The following MGA variants were observed in gnomAD, a reference collection of about 807,000 sequenced individuals.
The protein encoded by MGA is MAX gene-associated protein.
Under a neutral mutation model 261.1 loss-of-function variants are expected in MGA, and 40 were observed. That is an observed-to-expected ratio of 0.15 (90% CI 0.12 to 0.20). MGA has a LOEUF of 0.20. MGA is among the 10% of genes least tolerant of loss of function. The pLI is 1.00. For missense variants in MGA, 3,397 were observed against 3,630.5 expected, an observed-to-expected ratio of 0.94 and a Z score of 1.65; for synonymous variants, 1,302 against 1,290.6, an observed-to-expected ratio of 1.01 and a Z score of -0.19.
intron 9 of MGA, among the ~76,000 whole-genome samples, chr15:41,719,268 A>G (rs568823800): frequency 6.6e-6 from 1 of 152,172 alleles, no homozygotes; most frequent in South Asian, 2.1e-4. Flanking sequence ...ATGGAAAAAT[A>G]TATTGTTTTC....
chr15:41,637,675 T>A (rs1274037957), intron 1 of MGA, among the ~76,000 whole-genome samples: 1 of 152,170 alleles, frequency 6.6e-6, no homozygotes, highest in Non-Finnish European at 1.5e-5. Flanking sequence ...CAGTTTAAAA[T>A]TGAATGGCTT....
At chr15:41,645,195 G>GA (rs1014868825) in intron 1 of MGA, among the ~76,000 whole-genome samples, 5 of 152,170 alleles carry the variant, frequency 3.3e-5, no homozygotes, top group African/African-American at 1.2e-4. Flanking sequence ...TTTAATCTTA[G>GA]AAAATGTCAT....
intron 14 of MGA, among the ~76,000 whole-genome samples, chr15:41,741,782 T>C: frequency 6.6e-6 from 1 of 152,064 alleles, no homozygotes; most frequent in East Asian, 1.9e-4. Context: ...CACTATCTCA[T>C]TTCACTGCAG....
At chr15:41,709,530 G>A (rs1451601438) in intron 7 of MGA, among the ~76,000 whole-genome samples, 1 of 151,544 alleles carries the variant, frequency 6.6e-6, no homozygotes, top group Non-Finnish European at 1.5e-5. Flanking sequence ...CTGCAGCCTT[G>A]ACCTCCTGGG....
intron 1 of MGA, among the ~76,000 whole-genome samples, chr15:41,623,681 C>G (rs928524679): frequency 1.3e-5 from 2 of 150,108 alleles, no homozygotes; most frequent in African/African-American, 2.5e-5. Context: ...GAGTGGAGAT[C>G]GCGCCATTGC....
chr15:41,713,391 G>C lies in MGA; in HGVS notation c.3325G>C (p.Val1109Leu). 1 of 1,606,776 alleles carries C rather than the reference G, an allele frequency of 6.2e-7. No homozygotes were observed. Among genetic ancestry groups the C allele is most frequent in the Non-Finnish European group, 8.5e-7 (1 of 1,176,392 alleles). ...GAGGAAGGCTGCTCATCGAGATCCA[G>C]TATTTTATGATACTCTGGGAGAGGA... The change falls in exon 9 of 24, where the codon GTA becomes CTA. Residue 1109 changes from valine (V) to leucine (L), a missense_variant. Physicochemically the swap from Val to Leu is conservative, Grantham distance 32 (BLOSUM62 1). Coordinates refer to ENST00000219905, the MANE Select transcript of MGA (RefSeq NM_001164273.2).
At chr15:41,731,590 T>G (rs1407385631) in intron 11 of MGA, among the ~76,000 whole-genome samples, 1 of 152,182 alleles carries the variant, frequency 6.6e-6, no homozygotes, top group Non-Finnish European at 1.5e-5. Flanking sequence ...TTTAGGGACT[T>G]TTAGGGACTC....
At chr15:41,734,403 A>T in intron 11 of MGA, 119 bp from the exon 12 acceptor site, 1 of 788,074 alleles carries the variant, frequency 1.3e-6, no homozygotes, top group Non-Finnish European at 2.1e-6. Context: ...GAAGCTGTTG[A>T]CATTTCAGTC....
At chr15:41,760,658 G>GACTTC (rs1217141912) in intron 20 of MGA, 129 bp downstream of exon 20, 110 of 847,798 alleles carry the variant, frequency 1.3e-4, no homozygotes, top group Non-Finnish European at 9.3e-5. Flanking sequence ...GATGAATATG[G>GACTTC]ACTAGTGAAT....
chr15:41,679,714 G>C (rs1595689299), intron 2 of MGA, among the ~76,000 whole-genome samples: 2 of 152,100 alleles, frequency 1.3e-5, no homozygotes, highest in South Asian at 2.1e-4. Flanking sequence ...TTGTGTGTGT[G>C]TGTTGTGTTG....
chr15:41,699,304 G>A (rs576950721), intron 5 of MGA, 145 bp downstream of exon 5: 6 of 589,286 alleles, frequency 1.0e-5, no homozygotes, highest in Middle Eastern at 4.5e-4. Context: ...CTTTCAGCAC[G>A]TCTTTCAGTT....
chr15:41,694,827 G>A (rs1272806198), intron 2 of MGA, among the ~76,000 whole-genome samples: 1 of 152,086 alleles, frequency 6.6e-6, no homozygotes, highest in African/African-American at 2.4e-5. Flanking sequence ...GTTTAATTCA[G>A]TGGTGCAATT....
At position 41,765,081 on chromosome 15, in the gene MGA, C is replaced by T. The variant is rs554159132; in HGVS notation, c.7921+19C>T. 1.4e-5 allele frequency: 22 copies of T among 1,612,666 alleles called. No homozygotes were observed. The East Asian group carries it at 4.7e-4, about 34-fold the overall frequency. The stretch of plus-strand genomic sequence containing the variant: ...CTACCAGGTATGTTGTAAGTGTTGT[C>T]CTCTATGGGAAGTGATAAAGTTATC... On this transcript the variant is annotated intron_variant, in intron 23 of 23. Coordinates refer to ENST00000219905, the MANE Select transcript of MGA (RefSeq NM_001164273.2).
intron 5 of MGA, among the ~76,000 whole-genome samples, chr15:41,702,937 ATT>A (rs60668348): frequency 6.1e-4 from 92 of 151,930 alleles, no homozygotes; most frequent in African/African-American, 1.7e-3. Flanking sequence ...GAGAATACCT[ATT>A]TTTTTTCCCC....
intron 15 of MGA, among the ~76,000 whole-genome samples, chr15:41,743,960 T>C (rs563766452): frequency 6.6e-6 from 1 of 152,304 alleles, no homozygotes; most frequent in Non-Finnish European, 1.5e-5. Context: ...GTTCTTTTAA[T>C]CTACTCATAG....
At chr15:41,710,006 T>C (rs1595819048) in intron 7 of MGA, among the ~76,000 whole-genome samples, 1 of 152,166 alleles carries the variant, frequency 6.6e-6, no homozygotes, top group East Asian at 1.9e-4. Context: ...TTTGTATTTT[T>C]AGTAGAGACG....
intron 2 of MGA, among the ~76,000 whole-genome samples, chr15:41,670,619 C>T (rs2150961718): frequency 6.6e-6 from 1 of 152,298 alleles, no homozygotes; most frequent in East Asian, 1.9e-4. Context: ...CATTCTCCTG[C>T]CTCAGCCTCC....
chr15:41,760,268 G>GT, intron 19 of MGA, 55 bp from the exon 20 acceptor site: 1 of 1,558,338 alleles, frequency 6.4e-7, no homozygotes, highest in Non-Finnish European at 8.8e-7. Context: ...TTGAAACAGA[G>GT]TAAGAGGGCC....
chr15:41,729,251 G>A lies in MGA; in HGVS notation c.3745G>A (p.Glu1249Lys). ...AGTTCGAGTATATGAGCGAAAAAAA[G>A]AGGACCAGAGACAACCATCTTCCTC... Residue 1249 changes from glutamate (E) to lysine (K), a missense_variant, in exon 11 of 24, where the codon GAG becomes AAG. Physicochemically the swap from Glu to Lys is moderately conservative, Grantham distance 56. Coordinates refer to ENST00000219905, the MANE Select transcript of MGA (RefSeq NM_001164273.2). 1 of 1,613,854 alleles carries A rather than the reference G, an allele frequency of 6.2e-7. No homozygotes were observed. Among genetic ancestry groups the A allele is most frequent in the Non-Finnish European group, 8.5e-7 (1 of 1,179,834 alleles).
Sources: gnomAD v4.1 joint callset for allele counts (sites outside exome capture counted in the v4.1 genomes callset) on GRCh38, gnomAD v4.1.1 for gene constraint, MANE v1.5 for transcripts, NCBI Gene and HGNC (gene_info 2026-07-23, HGNC 2026-07-21) for gene names.